The following SEC24D variants were observed in gnomAD, a reference collection of about 807,000 sequenced individuals.
SEC24D encodes the protein protein transport protein Sec24D.
Under a neutral mutation model 116.9 loss-of-function variants are expected in SEC24D, and 69 were observed. That is an observed-to-expected ratio of 0.59 (90% confidence interval 0.49 to 0.72). The LOEUF (loss-of-function observed/expected upper bound fraction) is 0.72. Ranked by LOEUF, SEC24D falls within the 30% of genes least tolerant of loss-of-function variation. The pLI is 0.00. For missense variants in SEC24D, 1,131 were observed against 1,264.1 expected, an observed-to-expected ratio of 0.89 and a Z score of 1.60; for synonymous variants, 405 against 442.8, an observed-to-expected ratio of 0.91 and a Z score of 1.07.
intron 8 of SEC24D, among the ~76,000 whole-genome samples, chr4:118,777,233 C>G (rs1001904685): frequency 2.0e-5 from 3 of 151,982 alleles, no homozygotes; most frequent in Non-Finnish European, 4.4e-5. Context: ...ATCATTTACA[C>G]TAGGTATTTC....
Position 118,816,088 on chromosome 4 carries a change from ATT to A in SEC24D, c.398-364_398-363del, listed in dbSNP as rs34404398. Among the ~76,000 whole-genome samples the A allele has an allele frequency of 4.0e-3, 408 of 101,272 alleles. 1 individual carries two copies. Among genetic ancestry groups the A allele is most frequent in the African/African-American group, 0.012 (332 of 27,268 alleles). 66.4% of individuals were successfully genotyped at this position (101,272 alleles called of 152,430 possible). A position where few individuals can be genotyped will look rare whatever the true frequency, so the allele number is the denominator to read the frequency against. On this transcript the variant is annotated intron_variant, in intron 4 of 22. Transcript: ENST00000280551. The stretch of plus-strand genomic sequence containing the variant: ...AGGCACACACCACCACGCCAAGTTC[ATT>A]TTTTTTTTTTTTTTTTTTTGTAGAG...
chr4:118,762,543 CA>C (rs1727435839), intron 10 of SEC24D, among the ~76,000 whole-genome samples: 1 of 138,230 alleles, frequency 7.2e-6, no homozygotes, highest in African/African-American at 2.4e-5. Context: ...TAAGATGAGC[CA>C]AGATGAATAG....
chr4:118,785,992 GAAGAT>G (rs1728652307), intron 8 of SEC24D, among the ~76,000 whole-genome samples: 1 of 152,174 alleles, frequency 6.6e-6, no homozygotes, highest in South Asian at 2.1e-4. Context: ...TAATATGGAT[GAAGAT>G]AAGACTGATT....
At chr4:118,772,086 A>C (rs1479315576) in intron 8 of SEC24D, among the ~76,000 whole-genome samples, 1 of 152,236 alleles carries the variant, frequency 6.6e-6, no homozygotes, top group Non-Finnish European at 1.5e-5. Flanking sequence ...CCATCATGAA[A>C]AATCTGTATC....
Position 118,764,897 on chromosome 4 carries a change from G to A in SEC24D, c.1201C>T (p.His401Tyr), listed in dbSNP as rs140080517. ...AGTCTTCTTCCAATGTGGTCCAGAT[G>A]TTGGAAATAGAATGGTGGAACTAAT... ...VNDVPPFYFQ[H>Y]LDHIGRRLDH... The change falls in exon 10 of 23, where the codon CAT becomes TAT. Residue 401 changes from histidine (H) to tyrosine (Y), a missense_variant. Coordinates refer to ENST00000280551, the MANE Select transcript of SEC24D (RefSeq NM_014822.4). 189 of 1,600,520 alleles carry A rather than the reference G, an allele frequency of 1.2e-4. 1 individual carries two copies. The highest frequency in any genetic ancestry group is 1.5e-4 in the Non-Finnish European group (170 of 1,168,344).
At position 118,773,733 on chromosome 4, in the gene SEC24D, G is replaced by A. The variant is rs1361130158; in HGVS notation, c.1042-5422C>T. On this transcript the variant is annotated intron_variant, in intron 8 of 22. Coordinates refer to ENST00000280551, the MANE Select transcript of SEC24D (RefSeq NM_014822.4). Reference sequence around the variant, plus strand: ...CCAGAGGCGAAAAGGAAAAGAGTCTGTATCAACTGCATTTATTAAAGACAT... The same window carrying A: ...CCAGAGGCGAAAAGGAAAAGAGTCTATATCAACTGCATTTATTAAAGACAT... 9.2e-5 allele frequency among the ~76,000 whole-genome samples: 14 copies of A among 152,324 alleles called. No homozygotes were observed. In the East Asian group the frequency reaches 1.5e-3, roughly 17 times the overall value.
intron 6 of SEC24D, among the ~76,000 whole-genome samples, chr4:118,812,172 G>T (rs1028501029): frequency 8.5e-5 from 13 of 152,104 alleles, no homozygotes; most frequent in African/African-American, 2.9e-4. Context: ...TCAACAGATG[G>T]GTACCAAACA....
At chr4:118,731,293 A>G in intron 21 of SEC24D, 23 bp downstream of exon 21, 1 of 1,581,638 alleles carries the variant, frequency 6.3e-7, no homozygotes, top group Non-Finnish European at 8.7e-7. Context: ...TATTACCACA[A>G]AAGCAATGAA....
intron 10 of SEC24D, among the ~76,000 whole-genome samples, chr4:118,761,937 A>T (rs1448266686): frequency 2.6e-5 from 4 of 152,208 alleles, no homozygotes; most frequent in Non-Finnish European, 5.9e-5. Flanking sequence ...AAAACTATAG[A>T]CATTTCTTAT....
At chr4:118,793,466 C>CAA (rs70944815) in intron 8 of SEC24D, among the ~76,000 whole-genome samples, 1,443 of 69,160 alleles carry the variant, frequency 0.021, 102 homozygotes, top group African/African-American at 0.078. Flanking sequence ...GACTCCGTCT[C>CAA]AAAAAAAAAA....
At chr4:118,771,444 G>T (rs1475907117) in intron 8 of SEC24D, among the ~76,000 whole-genome samples, 2 of 152,154 alleles carry the variant, frequency 1.3e-5, no homozygotes, top group Non-Finnish European at 2.9e-5. Context: ...CAACATGAAA[G>T]TGATAGGGAG....
intron 14 of SEC24D, among the ~76,000 whole-genome samples, chr4:118,744,601 T>C (rs1403632179): frequency 2.0e-5 from 3 of 152,206 alleles, no homozygotes; most frequent in Non-Finnish European, 4.4e-5. Context: ...CTGTGCTTCA[T>C]GCCTCAGGCC....
At chr4:118,750,093 T>G (rs1726747855) in intron 13 of SEC24D, among the ~76,000 whole-genome samples, 1 of 152,102 alleles carries the variant, frequency 6.6e-6, no homozygotes, top group Non-Finnish European at 1.5e-5. Flanking sequence ...TAACAAAAAA[T>G]AAGATGCAAA....
Position 118,815,858 on chromosome 4 carries a change from G to A in SEC24D, c.398-132C>T. The A allele has an allele frequency of 2.2e-6, 2 of 925,328 alleles. 1 individual carries two copies. The highest frequency in any genetic ancestry group is 3.4e-5 in the South Asian group (2 of 58,772). 57.3% of individuals were successfully genotyped at this position (925,328 alleles called of 1,614,324 possible). A position where few individuals can be genotyped will look rare whatever the true frequency, so the allele number is the denominator to read the frequency against. ...GACACCCTTAGAAACACATGTTTGG[G>A]TTTTTTGCCACAAATTGAAATCTTC... On this transcript the variant is annotated intron_variant, in intron 4 of 22. Coordinates refer to ENST00000280551, the MANE Select transcript of SEC24D (RefSeq NM_014822.4).
At chr4:118,810,078 G>C (rs1040933726) in intron 6 of SEC24D, among the ~76,000 whole-genome samples, 2 of 88,840 alleles carry the variant, frequency 2.3e-5, no homozygotes, top group African/African-American at 7.1e-5. Context: ...AGGTAGCTGT[G>C]TGTGTGTGTG....
chr4:118,790,832 T>G (rs141096959), intron 8 of SEC24D, among the ~76,000 whole-genome samples: 1 of 150,148 alleles, frequency 6.7e-6, no homozygotes, highest in Admixed American at 6.7e-5. Context: ...CTTTGGTAGA[T>G]GTCAAAGCAG....
Position 118,723,632 on chromosome 4 carries a change from T to C in SEC24D, c.2982A>G (p.Glu994=), listed in dbSNP as rs1391584221. ...SMKLTIVKQR[E]QPEMVFRQFL... The stretch of plus-strand genomic sequence containing the variant: ...ACTGTCGGAAAACCATTTCTGGTTG[T>C]TCTCGCTGCTTTACAATTGTGAGCT... Residue 994 remains glutamate (E), a synonymous_variant, in exon 23 of 23, where the codon GAA becomes GAG. Transcript: ENST00000280551. 2 of 1,612,842 alleles carry C rather than the reference T, an allele frequency of 1.2e-6. No homozygotes were observed. The highest frequency in any genetic ancestry group is 1.7e-6 in the Non-Finnish European group (2 of 1,179,640).
At chr4:118,755,718 T>G (rs1476965363) in intron 11 of SEC24D, among the ~76,000 whole-genome samples, 1 of 152,034 alleles carries the variant, frequency 6.6e-6, no homozygotes, top group Non-Finnish European at 1.5e-5. Flanking sequence ...GGCAAGTAGA[T>G]CAAATTGATG....
chr4:118,744,432 C>G (rs552107542), intron 14 of SEC24D, among the ~76,000 whole-genome samples: 1 of 152,192 alleles, frequency 6.6e-6, no homozygotes, highest in Non-Finnish European at 1.5e-5. Context: ...GCTGATACTG[C>G]AGCCCTTACT....
Sources: allele counts gnomAD v4.1 joint callset (sites outside exome capture counted in the v4.1 genomes callset), GRCh38; gene constraint gnomAD v4.1.1; transcripts MANE v1.5; gene names NCBI Gene and HGNC (gene_info 2026-07-23, HGNC 2026-07-21).